C8B: variants seen among roughly 807,000 people sequenced by gnomAD.
The protein encoded by C8B is complement C8 beta chain.
A neutral mutation model predicts 64.6 loss-of-function variants in C8B; 67 were observed. The observed-to-expected ratio is 1.04, with a 90% CI of 0.85 to 1.27. The LOEUF (loss-of-function observed/expected upper bound fraction) is 1.27. C8B is among the 50% of genes most tolerant of loss of function. C8B has a pLI of 0.00. For missense variants in C8B, 790 were observed against 725.2 expected, an observed-to-expected ratio of 1.09 and a Z score of -1.03; for synonymous variants, 284 against 257.7, an observed-to-expected ratio of 1.10 and a Z score of -0.98.
chr1:56,959,637 A>C (rs1570405752), intron 2 of C8B: 1 of 1,535,076 alleles, frequency 6.5e-7, no homozygotes, highest in South Asian at 1.2e-5. Flanking sequence ...ATCCTCGAAA[A>C]CCATGATCCT....
intron 8 of C8B, among the ~76,000 whole-genome samples, chr1:56,941,821 C>T (rs1644868629): frequency 6.6e-6 from 1 of 152,190 alleles, no homozygotes; most frequent in Non-Finnish European, 1.5e-5. Context: ...CAAACTGGCT[C>T]CTGCAGGTAA....
At chr1:56,960,257 T>C (rs1365101557) in intron 1 of C8B, 81 bp from the exon 2 acceptor site, 8 of 1,300,070 alleles carry the variant, frequency 6.2e-6, no homozygotes, top group Non-Finnish European at 8.9e-6. Context: ...GTACATTCAA[T>C]AAATATATAT....
chr1:56,960,801 TGGGCGGTG>T (rs1557744477), intron 1 of C8B, among the ~76,000 whole-genome samples: 1 of 152,168 alleles, frequency 6.6e-6, no homozygotes, highest in Non-Finnish European at 1.5e-5. Context: ...TTTGAGTGTG[TGGGCGGTG>T]GGAAACACAG....
At chr1:56,932,921 C>G (rs1000370309) in intron 10 of C8B, among the ~76,000 whole-genome samples, 1 of 152,178 alleles carries the variant, frequency 6.6e-6, no homozygotes, top group Non-Finnish European at 1.5e-5. Flanking sequence ...TCACCCCTCC[C>G]AGTCTGCCCT....
At chr1:56,932,145 A>G (rs1030542496) in intron 10 of C8B, among the ~76,000 whole-genome samples, 26 of 152,194 alleles carry the variant, frequency 1.7e-4, no homozygotes, top group African/African-American at 6.3e-4. Context: ...CCATACTTAA[A>G]TGCTTTCAGT....
At chr1:56,943,116 T>C (rs1644889197) in intron 8 of C8B, among the ~76,000 whole-genome samples, 3 of 151,560 alleles carry the variant, frequency 2.0e-5, no homozygotes, top group Admixed American at 1.3e-4. Context: ...AAAAAAAAGC[T>C]GGGGGAGGGG....
At chr1:56,946,196 G>A (rs945069652) in intron 6 of C8B, 135 bp from the exon 7 acceptor site, 108 of 985,324 alleles carry the variant, frequency 1.1e-4, no homozygotes, top group Non-Finnish European at 1.6e-4. Flanking sequence ...GGATACTTGA[G>A]GGAAGACAGC....
intron 11 of C8B, 70 bp downstream of exon 11, chr1:56,931,740 C>A: frequency 9.4e-7 from 1 of 1,062,800 alleles, no homozygotes; most frequent in East Asian, 2.5e-5. Context: ...CACTCCACAC[C>A]AGCTCCTTGC....
intron 7 of C8B, among the ~76,000 whole-genome samples, chr1:56,944,681 A>G (rs1644915532): frequency 6.6e-6 from 1 of 152,204 alleles, no homozygotes; most frequent in Non-Finnish European, 1.5e-5. Context: ...AACTTATTTA[A>G]TGATTAAGCC....
At chr1:56,961,501 C>T (rs1645179793) in intron 1 of C8B, among the ~76,000 whole-genome samples, 2 of 152,146 alleles carry the variant, frequency 1.3e-5, no homozygotes, top group East Asian at 1.9e-4. Flanking sequence ...CGATCTGAGC[C>T]GAGGTCTCTT....
intron 4 of C8B, 78 bp from the exon 5 acceptor site, chr1:56,952,258 GAA>G (rs1645033939): frequency 1.4e-5 from 22 of 1,593,566 alleles, no homozygotes; most frequent in Admixed American, 1.7e-5. Flanking sequence ...CCTACTGAAC[GAA>G]AACAAAAACT....
intron 1 of C8B, chr1:56,963,999 G>A (rs1319598047): frequency 1.2e-5 from 12 of 985,184 alleles, no homozygotes; most frequent in Admixed American, 6.2e-5. Flanking sequence ...AATACCTGTC[G>A]TGTTCAAGAC....
At chr1:56,954,935 T>C in intron 3 of C8B, 108 bp from the exon 4 acceptor site, 1 of 1,299,790 alleles carries the variant, frequency 7.7e-7, no homozygotes, top group South Asian at 1.2e-5. Context: ...CCTTGCATGC[T>C]GCCCTGTTTT....
In C8B at chr1:56,954,686, C is replaced by G. The variant is rs1197294658; in HGVS notation, c.533G>C (p.Gly178Ala). 4 of 1,614,172 alleles carry G rather than the reference C, an allele frequency of 2.5e-6. No homozygotes were observed. Among genetic ancestry groups the G allele is most frequent in the Admixed American group, 3.3e-5 (2 of 60,028 alleles). Residue 178 changes from glycine (G) to alanine (A), a missense_variant and splice_region_variant, in exon 4 of 12, where the codon GGG becomes GCG. By Grantham distance (60) the Gly-to-Ala change is moderately conservative. Coordinates refer to ENST00000371237, the MANE Select transcript of C8B (RefSeq NM_000066.4). ...QYWGIGSLAS[G>A]INLFTNSFEG... Reference sequence around the variant, plus strand: ...ACGCCACAGAAAAATGGTCACTTACCCACTGGCCAGACTGCCAATTCCCCA... The same window carrying G: ...ACGCCACAGAAAAATGGTCACTTACGCACTGGCCAGACTGCCAATTCCCCA...
chr1:56,929,335 G>T lies in C8B; in HGVS notation c.*69C>A. On this transcript the variant is annotated 3_prime_UTR_variant, in exon 12 of 12. Coordinates refer to ENST00000371237, the MANE Select transcript of C8B (RefSeq NM_000066.4). ...GAACTCCAGGTGGAAACTGGTGTAG[G>T]GCTGAGCTGGCATGAGTTCTTGAGG... is the stretch of plus-strand genomic sequence containing the variant. 1 of 1,546,806 alleles carries T rather than the reference G, an allele frequency of 6.5e-7. No homozygotes were observed. Among genetic ancestry groups the T allele is most frequent in the South Asian group, 1.1e-5 (1 of 89,568 alleles).
chr1:56,933,291 G>C (rs1363940122), intron 10 of C8B, 44 bp downstream of exon 10: 3 of 1,576,452 alleles, frequency 1.9e-6, no homozygotes, highest in Non-Finnish European at 2.6e-6. Flanking sequence ...GCCTGCTTCA[G>C]ATTATGGCTT....
In C8B at chr1:56,945,742, G is replaced by T. The variant is rs555850425; in HGVS notation, c.1105+79C>A. ...GACACTGTGAAGGTGTAGCCAGGAA[G>T]GTAGAAAGAAAACTACAAGTTCAAC... On this transcript the variant is annotated intron_variant, in intron 7 of 11. Transcript: ENST00000371237. 3.8e-6 allele frequency: 6 copies of T among 1,562,704 alleles called. No individual in the cohort carries two copies. The African/African-American group carries it at 5.4e-5, about 14-fold the overall frequency.
At chr1:56,931,903 G>A (rs1341623555) in intron 10 of C8B, 25 bp from the exon 11 acceptor site, 4 of 1,583,398 alleles carry the variant, frequency 2.5e-6, no homozygotes, top group Admixed American at 3.3e-5. Context: ...CAGAGAAAGT[G>A]TGAATCATGC....
intron 10 of C8B, 28 bp downstream of exon 10, chr1:56,933,307 A>G: frequency 1.2e-6 from 2 of 1,604,024 alleles, no homozygotes; most frequent in Non-Finnish European, 1.7e-6. Context: ...GGCTTCCACC[A>G]GGGACACCAG....
Sources: allele counts gnomAD v4.1 joint callset (sites outside exome capture counted in the v4.1 genomes callset), GRCh38; gene constraint gnomAD v4.1.1; transcripts MANE v1.5; gene names NCBI Gene and HGNC (gene_info 2026-07-23, HGNC 2026-07-21).